The following EPHB4 variants were observed in gnomAD, a reference collection of about 807,000 sequenced individuals.
EPHB4 encodes EPH receptor B4.
Under a neutral mutation model 110.6 loss-of-function variants are expected in EPHB4, and 50 were observed. The ratio of observed to expected loss-of-function variants is 0.45; its 90% CI spans 0.36 to 0.57. The LOEUF is 0.57. Among genes scored for constraint, EPHB4 ranks in the 20% least tolerant of loss-of-function variants. EPHB4 has a pLI of 0.00. For synonymous variants in EPHB4, 592 were observed against 578.4 expected (o/e 1.02, Z -0.34); for missense variants, 1,128 against 1,382.1 (o/e 0.82, Z 2.91).
chr7:100,814,641 T>C (rs947485906), intron 8 of EPHB4, among the ~76,000 whole-genome samples: 1 of 152,196 alleles, frequency 6.6e-6, no homozygotes, highest in Non-Finnish European at 1.5e-5. Context: ...GTCGATACAA[T>C]TGAAATGTTC....
In EPHB4 at chr7:100,820,018, C is replaced by T. The variant is rs1455210059; in HGVS notation, c.964+123G>A. 7.3e-6 allele frequency: 11 copies of T among 1,499,788 alleles called. No individual in the cohort carries two copies. In the African/African-American group the frequency reaches 1.2e-4, roughly 17 times the overall value. 92.9% of individuals were successfully genotyped at this position (1,499,788 alleles called of 1,614,324 possible). On this transcript the variant is annotated intron_variant, in intron 5 of 16. Transcript: ENST00000358173. ...AGTGGGCTCCACATGTTCCTCCGGG[C>T]TAGGGACAAGCATGCCAGGGACAAA...
Position 100,813,995 on chromosome 7 carries a change from C to G in EPHB4, c.1615G>C (p.Ala539Pro), listed in dbSNP as rs752550183. Residue 539 changes from alanine (A) to proline (P), a missense_variant, in exon 9 of 17, where the codon GCC (alanine) becomes CCC (proline). Physicochemically the swap from Ala to Pro is conservative, Grantham distance 27. Coordinates refer to ENST00000358173, the MANE Select transcript of EPHB4 (RefSeq NM_004444.5). The stretch of plus-strand genomic sequence containing the variant: ...ACGACTGCCGTGCCCGCAATCAGGG[C>G]CAGCTGCTCCCGCCAGCCCTCGCTC... ...DESEGWREQL[A>P]LIAGTAVVGV... 13 of 1,614,160 alleles carry G rather than the reference C, an allele frequency of 8.1e-6. 1 individual carries two copies. In the South Asian group the frequency reaches 1.2e-4, roughly 15 times the overall value.
At position 100,822,441 on chromosome 7, in the gene EPHB4, C is replaced by T. The variant is rs377700390; in HGVS notation, c.638G>A (p.Arg213Gln). ...ACCGGCCACGGGCACAACCAGCTCCCGAGGCACAGTCTCCGGGAATCGAGT... is the reference window on the plus strand; with the variant it reads ...ACCGGCCACGGGCACAACCAGCTCCTGAGGCACAGTCTCCGGGAATCGAGT... ...NLTRFPETVP[R>Q]ELVVPVAGSC... The change falls in exon 4 of 17, where the codon CGG becomes CAG. Residue 213 changes from arginine (R) to glutamine (Q), a missense_variant. Around this residue, in one of 3 missense-constraint regions of EPHB4, gnomAD observed 728 missense variants for 828.6 expected, o/e 0.88. Coordinates refer to ENST00000358173, the MANE Select transcript of EPHB4 (RefSeq NM_004444.5). This position sits in a 1 kb window ranked among gnomAD's most constrained non-coding sequence, Gnocchi z 4.7. The T allele has an allele frequency of 1.2e-4, 188 of 1,603,174 alleles. 1 individual carries two copies. Among genetic ancestry groups the T allele is most frequent in the Middle Eastern group, 5.0e-4 (3 of 6,058 alleles).
In EPHB4 at chr7:100,822,880, C is replaced by G. The variant is rs1027738282; in HGVS notation, c.412-213G>C. Among the ~76,000 whole-genome samples, 1 of 152,212 alleles carries G rather than the reference C, an allele frequency of 6.6e-6. No individual in the cohort carries two copies. Among genetic ancestry groups the G allele is most frequent in the Non-Finnish European group, 1.5e-5 (1 of 68,040 alleles). On this transcript the variant is annotated intron_variant, in intron 3 of 16. Transcript: ENST00000358173. This position sits in a 1 kb window ranked among gnomAD's most constrained non-coding sequence, Gnocchi z 4.7. ...GATATGCCCGGCCTCTGGCCTGCAC[C>G]TCTCCCCCTTTTTATTCACTCGTTC...
Position 100,813,671 on chromosome 7 carries a change from T to C in EPHB4, c.1737A>G (p.Gly579=). 1 of 1,614,078 alleles carries C rather than the reference T, an allele frequency of 6.2e-7. No individual in the cohort carries two copies. Among genetic ancestry groups the C allele is most frequent in the Non-Finnish European group, 8.5e-7 (1 of 1,180,006 alleles). The change falls in exon 10 of 17, where the codon GGA becomes GGG. Residue 579 remains glycine (G), a synonymous_variant. Coordinates refer to ENST00000358173, the MANE Select transcript of EPHB4 (RefSeq NM_004444.5). ...ACCCACCATGTCCGATGAGATACTG[T>C]CCGTGTTTGTCCGAATATTCTGCTT... is the stretch of plus-strand genomic sequence containing the variant. ...GREAEYSDKH[G]QYLIGHGTKV... is the part of the protein sequence containing the mutation.
At chr7:100,810,358 G>C (rs1812900781) in intron 12 of EPHB4, among the ~76,000 whole-genome samples, 1 of 152,182 alleles carries the variant, frequency 6.6e-6, no homozygotes, top group African/African-American at 2.4e-5. Flanking sequence ...CATAAATCCA[G>C]AAATCAAGAC....
rs1265907347 is a variant in EPHB4 at position 100,820,147 on chromosome 7, A to G, written c.958T>C (p.Cys320Arg). Reference protein sequence around the residue: ...RARTDPRGAPCTTPPSAPRSV... With the variant: ...RARTDPRGAPRTTPPSAPRSV... ...CTGGGTGCTGGTCACTTACTGGTGC[A>G]GGGTGCACCCCGGGGGTCTGTGCGT... The change falls in exon 5 of 17, where the codon TGC (cysteine) becomes CGC (arginine). Residue 320 changes from cysteine to arginine, a missense_variant. Cys to Arg is a radical substitution (Grantham distance 180, BLOSUM62 -3). Around this residue, in one of 3 missense-constraint regions of EPHB4, gnomAD observed 728 missense variants for 828.6 expected, o/e 0.88. Transcript: ENST00000358173. The G allele has an allele frequency of 1.2e-6, 2 of 1,613,568 alleles. No individual in the cohort carries two copies. The highest frequency in any genetic ancestry group is 1.7e-6 in the Non-Finnish European group (2 of 1,179,928).
intron 12 of EPHB4, among the ~76,000 whole-genome samples, chr7:100,811,851 C>T (rs1016016214): frequency 8.1e-5 from 12 of 148,336 alleles, no homozygotes; most frequent in African/African-American, 3.0e-4. Flanking sequence ...GCCTAGAGGA[C>T]AGAGTGAGAC....
intron 12 of EPHB4, among the ~76,000 whole-genome samples, 181 bp from the exon 13 acceptor site, chr7:100,807,761 TG>T (rs1812849017): frequency 6.6e-6 from 1 of 152,032 alleles, no homozygotes; most frequent in Non-Finnish European, 1.5e-5. Flanking sequence ...CCTGAGTAGC[TG>T]GAACAATAGG....
chr7:100,806,550 C>T lies in EPHB4; in HGVS notation c.2354G>A (p.Arg785Gln). ...GGCAATGGCCTCCGGGGCAGTCCAT[C>T]GGATGGGAATCTTTCCTCCCTGCAG... ...TSSLGGKIPI[R>Q]WTAPEAIAFR... The change falls in exon 14 of 17, where the codon CGA becomes CAA. Residue 785 changes from arginine (R) to glutamine (Q), a missense_variant. By Grantham distance (43) the Arg-to-Gln change is conservative. Transcript: ENST00000358173. The T allele has an allele frequency of 6.2e-7, 1 of 1,613,806 alleles. No individual in the cohort carries two copies. The highest frequency in any genetic ancestry group is 8.5e-7 in the Non-Finnish European group (1 of 1,179,876).
chr7:100,817,201 G>C lies in EPHB4; in HGVS notation c.1579C>G (p.Gln527Glu). The change falls in exon 8 of 17, where the codon CAA becomes GAA. Residue 527 changes from glutamine to glutamate, a missense_variant. Transcript: ENST00000358173. ...PFGQEHHSQT[Q>E]LDESEGWREQ... The stretch of plus-strand genomic sequence containing the variant: ...CCTTCCCCAGGCTCACCATCCAGTT[G>C]GGTCTGGCTGTGATGTTCCTGGCCG... The C allele has an allele frequency of 6.4e-7, 1 of 1,559,154 alleles. No homozygotes were observed. Among genetic ancestry groups the C allele is most frequent in the Non-Finnish European group, 8.7e-7 (1 of 1,153,204 alleles).
intron 6 of EPHB4, 91 bp downstream of exon 6, chr7:100,819,466 A>T: frequency 7.1e-7 from 1 of 1,413,080 alleles, no homozygotes. Context: ...CTTCCGGGGT[A>T]CCCAACTTCA....
rs1425218771 is a variant in EPHB4 at position 100,823,734 on chromosome 7, G to A, written c.321C>T (p.Cys107=). 5 of 1,613,552 alleles carry A rather than the reference G, an allele frequency of 3.1e-6. No individual in the cohort carries two copies. The highest frequency in any genetic ancestry group is 4.2e-6 in the Non-Finnish European group (5 of 1,179,976). ...CLSLPRAGRS[C]KETFTVFYYE... Reference sequence around the variant, plus strand: ...AGTAGAAGACGGTGAAGGTCTCCTTGCAGGAGCGCCCAGCCCGAGGCAGGG... The same window carrying A: ...AGTAGAAGACGGTGAAGGTCTCCTTACAGGAGCGCCCAGCCCGAGGCAGGG... Residue 107 remains cysteine (C), a synonymous_variant, in exon 3 of 17, where the codon TGC becomes TGT. Coordinates refer to ENST00000358173, the MANE Select transcript of EPHB4 (RefSeq NM_004444.5).
chr7:100,809,723 AG>A (rs1265495073), intron 12 of EPHB4, among the ~76,000 whole-genome samples: 1 of 152,150 alleles, frequency 6.6e-6, no homozygotes, highest in Non-Finnish European at 1.5e-5. Context: ...CATGTTGCCC[AG>A]GGTGATCTCT....
rs1471954991 is a variant in EPHB4, at chr7:100,823,650, G to A, written c.405C>T (p.Tyr135=). The A allele has an allele frequency of 6.2e-7, 1 of 1,612,176 alleles. No homozygotes were observed. Among genetic ancestry groups the A allele is most frequent in the Non-Finnish European group, 8.5e-7 (1 of 1,179,174 alleles). ...CCTGGGGGCACCCAGGTACCTTGAT[G>A]TAGGGGTTCTCCATCCAGGCTGGCG... ...ALTPAWMENP[Y]IKVDTVAAEH... is the part of the protein sequence containing the mutation. The change falls in exon 3 of 17, where the codon TAC becomes TAT. Residue 135 remains tyrosine, a synonymous_variant. Coordinates refer to ENST00000358173, the MANE Select transcript of EPHB4 (RefSeq NM_004444.5).
chr7:100,805,155 C>A lies in EPHB4; in HGVS notation c.2834+11G>T. 6.2e-7 allele frequency: 1 copy of A among 1,610,718 alleles called. No homozygotes were observed. The highest frequency in any genetic ancestry group is 8.5e-7 in the Non-Finnish European group (1 of 1,178,456). ...TCTCCCAGCCCCACTCCAGCTCCTG[C>A]CACTGCTTACTCAGCAGAGATCTGG... On this transcript the variant is annotated intron_variant, in intron 16 of 16. Coordinates refer to ENST00000358173, the MANE Select transcript of EPHB4 (RefSeq NM_004444.5).
At chr7:100,803,707 G>A (rs1318284342) in intron 16 of EPHB4, 117 bp from the exon 17 acceptor site, 8 of 1,305,922 alleles carry the variant, frequency 6.1e-6, no homozygotes, top group Non-Finnish European at 8.0e-6. Flanking sequence ...AAGCCAGCGG[G>A]GGAGGGAGAA....
chr7:100,811,513 T>C (rs1812933106), intron 12 of EPHB4, among the ~76,000 whole-genome samples: 1 of 152,090 alleles, frequency 6.6e-6, no homozygotes, highest in Admixed American at 6.6e-5. Flanking sequence ...GTGTATAGCT[T>C]TATTCCTGGG....
chr7:100,805,484 T>G lies in EPHB4; in HGVS notation c.2678+17A>C, dbSNP rs1352663258. 1.1e-5 allele frequency: 17 copies of G among 1,527,814 alleles called. No individual in the cohort carries two copies. Among genetic ancestry groups the G allele is most frequent in the Non-Finnish European group, 1.5e-5 (17 of 1,137,894 alleles). 94.6% of individuals were successfully genotyped at this position (1,527,814 alleles called of 1,614,324 possible). ...GGCAGAGAGCGGGAAGGAGGGCCCA[T>G]TCTCTGCAGTCCTCACCCGCCATTC... On this transcript the variant is annotated intron_variant, in intron 15 of 16. Coordinates refer to ENST00000358173, the MANE Select transcript of EPHB4 (RefSeq NM_004444.5).
Sources: allele counts gnomAD v4.1 joint callset (sites outside exome capture counted in the v4.1 genomes callset), GRCh38; gene constraint gnomAD v4.1.1; regional missense constraint gnomAD v4.1.1; non-coding constraint Gnocchi (gnomAD v3.1); transcripts MANE v1.5; gene names NCBI Gene and HGNC (gene_info 2026-07-23, HGNC 2026-07-21).